The following MPRIP variants were observed in gnomAD, a reference collection of about 807,000 sequenced individuals.
The protein encoded by MPRIP is myosin phosphatase Rho interacting protein.
Under a neutral mutation model 234.9 loss-of-function variants are expected in MPRIP, and 59 were observed. That is an observed-to-expected ratio of 0.25 (90% CI 0.20 to 0.31). MPRIP has a LOEUF of 0.31. Among genes scored for constraint, MPRIP ranks in the 10% least tolerant of loss-of-function variants. MPRIP has a pLI of 1.00. For missense variants in MPRIP, 2,436 were observed against 3,071.0 expected, an observed-to-expected ratio of 0.79 and a Z score of 4.89; for synonymous variants, 1,144 against 1,263.9, an observed-to-expected ratio of 0.91 and a Z score of 2.01.
intron 1 of MPRIP, among the ~76,000 whole-genome samples, chr17:17,065,621 C>CTG (rs954058966): frequency 1.3e-5 from 2 of 148,704 alleles, no homozygotes; most frequent in Admixed American, 6.7e-5. Flanking sequence ...ATTATACCCT[C>CTG]TTTTTTTTTT....
Position 17,161,252 on chromosome 17 carries a change from CAGA to C in MPRIP, c.2416_2418del (p.Lys806del), listed in dbSNP as rs761699214. ...TTTTTGCCAACAGCTGGAGCAGAGC[CAGA>C]AGGAGGCCTCAGACCTTCTGGAGCA... On this transcript the variant is annotated inframe_deletion, in exon 15 of 24. Transcript: ENST00000651222. 3 of 1,601,136 alleles carry C rather than the reference CAGA, an allele frequency of 1.9e-6. No homozygotes were observed. Among genetic ancestry groups the C allele is most frequent in the Non-Finnish European group, 2.6e-6 (3 of 1,171,674 alleles).
chr17:17,136,125 C>G, intron 5 of MPRIP, 94 bp from the exon 6 acceptor site: 1 of 1,338,972 alleles, frequency 7.5e-7, no homozygotes, highest in Non-Finnish European at 1.1e-6. Flanking sequence ...GTAGCTGGCC[C>G]GGGTGCCCCC....
chr17:17,113,296 A>G (rs2090209717), intron 3 of MPRIP, among the ~76,000 whole-genome samples: 1 of 152,212 alleles, frequency 6.6e-6, no homozygotes, highest in South Asian at 2.1e-4. Flanking sequence ...AATTTTTGAA[A>G]AGAAATTTGC....
At chr17:17,043,002 C>T in intron 1 of MPRIP, 31 bp downstream of exon 1, 2 of 1,599,612 alleles carry the variant, frequency 1.3e-6, no homozygotes, top group Non-Finnish European at 1.7e-6. Context: ...CGGACACCTC[C>T]GTTCTGGGAG....
chr17:17,091,197 A>G (rs2089708743), intron 3 of MPRIP, among the ~76,000 whole-genome samples: 1 of 152,056 alleles, frequency 6.6e-6, no homozygotes, highest in Admixed American at 6.5e-5. Flanking sequence ...GAGGACGACC[A>G]TATATTCTGG....
At chr17:17,120,030 G>A (rs572244700) in intron 3 of MPRIP, among the ~76,000 whole-genome samples, 1 of 152,264 alleles carries the variant, frequency 6.6e-6, no homozygotes, top group South Asian at 2.1e-4. Flanking sequence ...TGAGATTTTG[G>A]GAGTAATTCT....
In MPRIP at chr17:17,164,932, T is replaced by C. The variant is rs1361211395; in HGVS notation, c.3341T>C (p.Phe1114Ser). Residue 1114 changes from phenylalanine to serine, a missense_variant, in exon 16 of 24, where the codon TTC (phenylalanine) becomes TCC (serine). Phe to Ser is a radical substitution (Grantham distance 155). Around this residue, in one of 4 missense-constraint regions of MPRIP, gnomAD observed 1,998 missense variants for 2,520.3 expected, o/e 0.79. Transcript: ENST00000651222. ...CDERDLLRQRFQELTERVATS... is the reference protein window; with the variant it reads ...CDERDLLRQRSQELTERVATS... ...GAGCGGGACCTCCTCAGACAGCGGT[T>C]CCAGGAGCTGACAGAGCGCGTGGCC... 7.7e-7 allele frequency: 1 copy of C among 1,303,708 alleles called. No individual in the cohort carries two copies. The highest frequency in any genetic ancestry group is 2.3e-5 in the Admixed American group (1 of 43,546). 80.8% of individuals were successfully genotyped at this position (1,303,708 alleles called of 1,614,324 possible).
chr17:17,142,471 G>T (rs1379864826), intron 7 of MPRIP, among the ~76,000 whole-genome samples, 156 bp from the exon 8 acceptor site: 3 of 152,178 alleles, frequency 2.0e-5, no homozygotes, highest in Non-Finnish European at 2.9e-5. Flanking sequence ...TGCAGGCAGA[G>T]CTCGGGTCAG....
chr17:17,109,613 C>CT (rs1385625527), intron 3 of MPRIP, among the ~76,000 whole-genome samples: 2 of 152,216 alleles, frequency 1.3e-5, no homozygotes, highest in East Asian at 3.8e-4. Flanking sequence ...ATATACACCT[C>CT]TATTTCCTTG....
At chr17:17,111,635 C>T (rs1359210054) in intron 3 of MPRIP, among the ~76,000 whole-genome samples, 2 of 152,156 alleles carry the variant, frequency 1.3e-5, no homozygotes, top group Non-Finnish European at 2.9e-5. Flanking sequence ...CTCTTGGGAC[C>T]GCATGTTCTG....
rs2090744339 is a variant in MPRIP at position 17,138,178 on chromosome 17, C to T, written c.999C>T (p.Ser333=). ...TGGTCTGCAGCATCTCCCTCAGCTC[C>T]CTGGATGTGGCCAGCCAGCCACCTG... is the stretch of plus-strand genomic sequence containing the variant. The part of the protein sequence containing the change: ...HQMVCSISLS[S]LDVASQPPAY... The change falls in exon 7 of 24, where the codon TCC becomes TCT. Residue 333 remains serine, a synonymous_variant. Transcript: ENST00000651222. This position sits in a 1 kb window ranked among gnomAD's most constrained non-coding sequence, Gnocchi z 5.8. 1.8e-6 allele frequency: 2 copies of T among 1,113,826 alleles called. No homozygotes were observed. The highest frequency in any genetic ancestry group is 1.6e-5 in the African/African-American group (1 of 62,490). 69.0% of individuals were successfully genotyped at this position (1,113,826 alleles called of 1,614,324 possible).
intron 1 of MPRIP, among the ~76,000 whole-genome samples, chr17:17,065,283 A>C (rs1035286669): frequency 1.3e-5 from 2 of 152,096 alleles, no homozygotes; most frequent in African/African-American, 4.8e-5. Context: ...TGCAGAGCAA[A>C]AGTTTTTAAT....
At chr17:17,139,554 TCA>T (rs2090770902) in intron 7 of MPRIP, among the ~76,000 whole-genome samples, 2 of 152,186 alleles carry the variant, frequency 1.3e-5, no homozygotes, top group African/African-American at 4.8e-5. Context: ...AACCTGGAGC[TCA>T]GAGTTAGAGA....
intron 3 of MPRIP, among the ~76,000 whole-genome samples, chr17:17,113,889 T>C (rs940876275): frequency 6.3e-5 from 9 of 143,268 alleles, no homozygotes; most frequent in South Asian, 2.3e-4. Context: ...TCTTTTCTTT[T>C]TTTTTTTTTT....
chr17:17,091,551 C>T (rs114677812), intron 3 of MPRIP, among the ~76,000 whole-genome samples: 6,802 of 152,256 alleles, frequency 0.045, 471 homozygotes, highest in African/African-American at 0.14. Context: ...TGACTGGGGG[C>T]TGAATGGAAT....
At chr17:17,156,831 G>C (rs2045741404) in intron 13 of MPRIP, among the ~76,000 whole-genome samples, 1 of 152,204 alleles carries the variant, frequency 6.6e-6, no homozygotes, top group South Asian at 2.1e-4. Context: ...TCTTACAGTG[G>C]ACACCTGCAG....
intron 3 of MPRIP, among the ~76,000 whole-genome samples, chr17:17,091,718 G>A (rs1254372840): frequency 2.0e-5 from 3 of 152,166 alleles, no homozygotes; most frequent in Admixed American, 1.3e-4. Context: ...AAAAACCGAG[G>A]GTGCAAAGAA....
At chr17:17,168,280 C>T (rs751312192) in intron 16 of MPRIP, 1 of 276,128 alleles carries the variant, frequency 3.6e-6, no homozygotes, top group Non-Finnish European at 7.1e-6. Context: ...CCGGGAACCC[C>T]GTCTGGCCCA....
At chr17:17,168,339 C>G (rs1428163416) in intron 16 of MPRIP, 1 of 242,660 alleles carries the variant, frequency 4.1e-6, no homozygotes, top group Non-Finnish European at 8.2e-6. Flanking sequence ...CTTGTACTCA[C>G]AGCAACACCC....
Sources: allele counts gnomAD v4.1 joint callset (sites outside exome capture counted in the v4.1 genomes callset), GRCh38; gene constraint gnomAD v4.1.1; regional missense constraint gnomAD v4.1.1; non-coding constraint Gnocchi (gnomAD v3.1); transcripts MANE v1.5; gene names NCBI Gene and HGNC (gene_info 2026-07-23, HGNC 2026-07-21).